The following ASTN2 variants were observed in gnomAD, a reference collection of about 807,000 sequenced individuals.
ASTN2 encodes astrotactin 2.
ASTN2 carries 54 observed loss-of-function variants against 139.8 expected under a neutral mutation model. That is an observed-to-expected ratio of 0.39 (90% CI 0.31 to 0.48). The LOEUF (loss-of-function observed/expected upper bound fraction) is 0.48. Ranked by LOEUF, ASTN2 falls within the 20% of genes least tolerant of loss-of-function variation. The pLI, the probability that ASTN2 is intolerant of heterozygous loss-of-function variation, is 0.95. For missense variants in ASTN2, 1,565 were observed against 1,725.1 expected, an observed-to-expected ratio of 0.91 and a Z score of 1.64; for synonymous variants, 756 against 719.5, an observed-to-expected ratio of 1.05 and a Z score of -0.81.
chr9:116,790,017 C>T (rs947973504), intron 13 of ASTN2, among the ~76,000 whole-genome samples: 1 of 150,960 alleles, frequency 6.6e-6, no homozygotes, highest in South Asian at 2.1e-4. Flanking sequence ...CATCTGCCTC[C>T]CTGGTTCAAG....
chr9:116,768,109 G>T (rs1398844179), intron 13 of ASTN2, among the ~76,000 whole-genome samples: 2 of 152,152 alleles, frequency 1.3e-5, no homozygotes, highest in African/African-American at 2.4e-5. Context: ...AAGACAATTA[G>T]AATATATTGT....
intron 10 of ASTN2, among the ~76,000 whole-genome samples, chr9:116,943,831 C>A (rs531450002): frequency 6.6e-6 from 1 of 152,118 alleles, no homozygotes; most frequent in South Asian, 2.1e-4. Flanking sequence ...CCATATTATC[C>A]CATCCCACAA....
chr9:116,504,652 C>A (rs1207889881), intron 19 of ASTN2, among the ~76,000 whole-genome samples: 1 of 151,924 alleles, frequency 6.6e-6, no homozygotes, highest in African/African-American at 2.4e-5. Context: ...AGATACTATG[C>A]CTAGTATTTC....
chr9:116,745,228 A>C (rs1453478817), intron 13 of ASTN2, among the ~76,000 whole-genome samples: 1 of 152,154 alleles, frequency 6.6e-6, no homozygotes, highest in Non-Finnish European at 1.5e-5. Flanking sequence ...ACTGACTACC[A>C]ATCCCTATTC....
intron 20 of ASTN2, among the ~76,000 whole-genome samples, chr9:116,476,542 T>C (rs565043953): frequency 2.4e-4 from 36 of 152,298 alleles, no homozygotes; most frequent in African/African-American, 7.9e-4. Context: ...TTCATCACCA[T>C]GAATATGAGC....
intron 22 of ASTN2, among the ~76,000 whole-genome samples, chr9:116,428,003 C>A (rs917259250): frequency 2.0e-5 from 3 of 152,236 alleles, no homozygotes; most frequent in Non-Finnish European, 4.4e-5. Context: ...AAAGTCATTT[C>A]TTGCTGATTT....
intron 17 of ASTN2, among the ~76,000 whole-genome samples, chr9:116,625,148 C>A (rs1856379137): frequency 6.6e-6 from 1 of 152,090 alleles, no homozygotes; most frequent in African/African-American, 2.4e-5. Context: ...ACCAACCTCC[C>A]AGCTGGGCAC....
intron 6 of ASTN2, among the ~76,000 whole-genome samples, chr9:117,008,791 G>A (rs1359063573): frequency 6.6e-6 from 1 of 152,210 alleles, no homozygotes; most frequent in Admixed American, 6.5e-5. Context: ...CAGGGGCCAG[G>A]TGGCTAACAT....
chr9:116,599,193 C>T (rs187100523), intron 19 of ASTN2, among the ~76,000 whole-genome samples: 4 of 152,278 alleles, frequency 2.6e-5, no homozygotes, highest in East Asian at 1.9e-4. Context: ...ACTGCTGTCA[C>T]GTGAGGGTGT....
chr9:116,434,116 T>C (rs1044702656), intron 22 of ASTN2, among the ~76,000 whole-genome samples: 1 of 152,156 alleles, frequency 6.6e-6, no homozygotes, highest in African/African-American at 2.4e-5. Context: ...TATTTGTTAA[T>C]TGAAGGTATA....
At chr9:117,328,590 T>A (rs1450040376) in intron 1 of ASTN2, among the ~76,000 whole-genome samples, 1 of 152,134 alleles carries the variant, frequency 6.6e-6, no homozygotes, top group Non-Finnish European at 1.5e-5. Context: ...ACTTTCCCAA[T>A]GATTGTTAAT....
intron 13 of ASTN2, among the ~76,000 whole-genome samples, chr9:116,784,746 A>G (rs1329946018): frequency 6.6e-6 from 1 of 152,074 alleles, no homozygotes; most frequent in East Asian, 1.9e-4. Flanking sequence ...CCTGACCAAC[A>G]TGGAGAAACC....
At chr9:117,112,579 C>T (rs1160673572) in intron 4 of ASTN2, among the ~76,000 whole-genome samples, 3 of 152,010 alleles carry the variant, frequency 2.0e-5, no homozygotes, top group African/African-American at 7.2e-5. Context: ...TGAACAAAAG[C>T]CCATAGTTCA....
intron 10 of ASTN2, among the ~76,000 whole-genome samples, chr9:116,927,640 G>A (rs1206795347): frequency 2.0e-5 from 3 of 152,090 alleles, no homozygotes; most frequent in South Asian, 2.1e-4. Flanking sequence ...TGACACTTGC[G>A]GACTCCCAAG....
At chr9:116,521,743 C>G (rs1252459895) in intron 19 of ASTN2, among the ~76,000 whole-genome samples, 1 of 152,134 alleles carries the variant, frequency 6.6e-6, no homozygotes, top group African/African-American at 2.4e-5. Context: ...AAAATCGTCA[C>G]AATCCATACA....
chr9:116,617,455 GCA>G (rs1855911692), intron 19 of ASTN2, among the ~76,000 whole-genome samples: 1 of 152,066 alleles, frequency 6.6e-6, no homozygotes, highest in Admixed American at 6.6e-5. Context: ...ATTTAATTGG[GCA>G]AATAATTATA....
intron 6 of ASTN2, among the ~76,000 whole-genome samples, chr9:117,008,839 T>A (rs1392447342): frequency 6.6e-6 from 1 of 152,162 alleles, no homozygotes; most frequent in Non-Finnish European, 1.5e-5. Flanking sequence ...GGAAATAGCA[T>A]CCAGGCCTCC....
intron 13 of ASTN2, among the ~76,000 whole-genome samples, chr9:116,773,610 G>C (rs569138793): frequency 1.3e-5 from 2 of 152,230 alleles, no homozygotes; most frequent in East Asian, 3.9e-4. Context: ...AACATGCTCT[G>C]AATATACCAC....
At chr9:116,760,701 G>A (rs1829652531) in intron 13 of ASTN2, among the ~76,000 whole-genome samples, 1 of 152,136 alleles carries the variant, frequency 6.6e-6, no homozygotes, top group African/African-American at 2.4e-5. Flanking sequence ...TCTGCAGTGT[G>A]GGAAATCCCA....
Sources: allele counts gnomAD v4.1 joint callset (sites outside exome capture counted in the v4.1 genomes callset), GRCh38; gene constraint gnomAD v4.1.1; transcripts MANE v1.5; gene names NCBI Gene and HGNC (gene_info 2026-07-23, HGNC 2026-07-21).